Variants in BMPER observed in about 807,000 individuals in gnomAD.
The protein encoded by BMPER is BMP binding endothelial regulator.
A neutral mutation model predicts 87.3 loss-of-function variants in BMPER; 45 were observed. The observed-to-expected ratio is 0.52, with a 90% confidence interval of 0.41 to 0.66. The LOEUF is 0.66. BMPER is among the 30% of genes least tolerant of loss of function. The probability of loss-of-function intolerance (pLI) is 0.00; values close to 1 mark genes in which losing one functional copy is unlikely to be tolerated. For missense variants in BMPER, 784 were observed against 867.5 expected, an observed-to-expected ratio of 0.90 and a Z score of 1.21; for synonymous variants, 326 against 316.2, an observed-to-expected ratio of 1.03 and a Z score of -0.33.
Position 33,937,333 on chromosome 7 carries a change from C to T in BMPER, c.264C>T (p.Ser88=), listed in dbSNP as rs755407367. 2 of 1,614,184 alleles carry T rather than the reference C, an allele frequency of 1.2e-6. No individual in the cohort carries two copies. Among genetic ancestry groups the T allele is most frequent in the South Asian group, 2.2e-5 (2 of 91,086 alleles). ...AGAGAGAGAAGTGCCCCGTGCTGTC[C>T]CGAGACTGTGCCCTGGCCATCAAGC... ...TCKREKCPVL[S]RDCALAIKQR... is the part of the protein sequence containing the mutation. Residue 88 remains serine (S), a synonymous_variant, in exon 3 of 15, where the codon TCC becomes TCT. Coordinates refer to ENST00000649409, the MANE Select transcript of BMPER (RefSeq NM_001365308.1).
intron 3 of BMPER, among the ~76,000 whole-genome samples, chr7:33,959,663 T>G (rs187210625): frequency 6.6e-6 from 1 of 152,230 alleles, no homozygotes; most frequent in African/African-American, 2.4e-5. Flanking sequence ...TCTCCCTTAA[T>G]GCATTGCATA....
At chr7:34,067,850 A>G (rs1788633992) in intron 11 of BMPER, among the ~76,000 whole-genome samples, 2 of 152,376 alleles carry the variant, frequency 1.3e-5, no homozygotes, top group Non-Finnish European at 2.9e-5. Context: ...GTTCTGCTCT[A>G]AGGGATACTG....
rs2127960433 is a variant in BMPER, at chr7:34,051,923, A to G, written c.739A>G (p.Asn247Asp). The change falls in exon 8 of 15, where the codon AAT becomes GAT. Residue 247 changes from asparagine to aspartate, a missense_variant. By Grantham distance (23) the Asn-to-Asp change is conservative. Coordinates refer to ENST00000649409, the MANE Select transcript of BMPER (RefSeq NM_001365308.1). ...CCTCTTTCGAAGTGATGTTTATGAC[A>G]ATGGATCCTCATTTCTGTACGATAA... ...SCLFRSDVYD[N>D]GSSFLYDNCT... The G allele has an allele frequency of 6.2e-7, 1 of 1,614,002 alleles. No homozygotes were observed. Among genetic ancestry groups the G allele is most frequent in the East Asian group, 2.2e-5 (1 of 44,876 alleles).
At chr7:34,031,227 G>T (rs1325945040) in intron 6 of BMPER, among the ~76,000 whole-genome samples, 1 of 151,992 alleles carries the variant, frequency 6.6e-6, no homozygotes, top group Non-Finnish European at 1.5e-5. Context: ...TAACTGCGGG[G>T]TTGCCTCACA....
chr7:34,117,598 A>G (rs1790149938), intron 13 of BMPER, among the ~76,000 whole-genome samples: 1 of 152,212 alleles, frequency 6.6e-6, no homozygotes, highest in African/African-American at 2.4e-5. Flanking sequence ...AAAGGTACCT[A>G]AAGTGTTGTT....
chr7:33,923,104 G>A (rs753874156), intron 2 of BMPER, among the ~76,000 whole-genome samples: 6 of 151,926 alleles, frequency 3.9e-5, no homozygotes, highest in Non-Finnish European at 8.8e-5. Context: ...CTAGATCCTT[G>A]GATCCTAGTT....
chr7:33,917,720 A>G (rs1383059067), intron 2 of BMPER, among the ~76,000 whole-genome samples: 2 of 152,216 alleles, frequency 1.3e-5, no homozygotes, highest in Non-Finnish European at 2.9e-5. Context: ...TTATGAAAAC[A>G]CGCCTTTCCA....
chr7:34,010,065 A>G (rs899353712), intron 6 of BMPER, among the ~76,000 whole-genome samples: 9 of 151,942 alleles, frequency 5.9e-5, no homozygotes, highest in Admixed American at 5.3e-4. Context: ...TTTATCCACT[A>G]TCCCTCATAC....
intron 13 of BMPER, among the ~76,000 whole-genome samples, chr7:34,086,615 G>A (rs1483401067): frequency 2.0e-5 from 3 of 152,166 alleles, no homozygotes; most frequent in African/African-American, 7.2e-5. Flanking sequence ...TTGGATCTTG[G>A]CCAACTGTGA....
intron 13 of BMPER, among the ~76,000 whole-genome samples, chr7:34,113,355 CT>C (rs1355038772): frequency 2.6e-5 from 4 of 151,832 alleles, no homozygotes; most frequent in African/African-American, 9.7e-5. Context: ...CCAAATATAT[CT>C]TTTTTTGTGG....
intron 3 of BMPER, 146 bp downstream of exon 3, chr7:33,937,534 GTGTA>G (rs1215038932): frequency 1.2e-5 from 9 of 735,216 alleles, no homozygotes; most frequent in African/African-American, 3.6e-5. Flanking sequence ...GTGTGTGTGT[GTGTA>G]TGTGTGTGTT....
intron 10 of BMPER, 149 bp downstream of exon 10, chr7:34,058,312 C>T (rs889233076): frequency 1.3e-6 from 1 of 768,786 alleles, no homozygotes; most frequent in Non-Finnish European, 2.3e-6. Flanking sequence ...GCAAAGTTTG[C>T]TCATTCTTCT....
intron 13 of BMPER, among the ~76,000 whole-genome samples, chr7:34,094,089 C>T (rs999346341): frequency 1.3e-5 from 2 of 152,172 alleles, no homozygotes; most frequent in South Asian, 4.1e-4. Context: ...AGAGTGTACA[C>T]ACTTCTATCA....
At position 34,078,930 on chromosome 7, in the gene BMPER, G is replaced by A; in HGVS notation, c.1152G>A (p.Gly384=). 6.2e-7 allele frequency: 1 copy of A among 1,614,158 alleles called. No homozygotes were observed. ...ACGGTCGGACATTTAACTTTCAGGG[G>A]ACGTGTCAGTACGTTTTGACAAAAG... The part of the protein sequence containing the change: ...TFDGRTFNFQ[G]TCQYVLTKDC... The change falls in exon 12 of 15, where the codon GGG becomes GGA. Residue 384 remains glycine, a synonymous_variant. Coordinates refer to ENST00000649409, the MANE Select transcript of BMPER (RefSeq NM_001365308.1).
chr7:34,072,079 C>T (rs1017642663), intron 11 of BMPER, among the ~76,000 whole-genome samples: 2 of 152,110 alleles, frequency 1.3e-5, no homozygotes, highest in Non-Finnish European at 2.9e-5. Context: ...TAACCATGGG[C>T]AACAAGGCAA....
At chr7:33,914,934 C>T (rs1784053794) in intron 2 of BMPER, among the ~76,000 whole-genome samples, 1 of 152,122 alleles carries the variant, frequency 6.6e-6, no homozygotes, top group Non-Finnish European at 1.5e-5. Context: ...TTCTCATCTT[C>T]TTGGACTATT....
intron 6 of BMPER, among the ~76,000 whole-genome samples, chr7:34,025,988 A>G (rs972777358): frequency 6.6e-6 from 1 of 152,024 alleles, no homozygotes; most frequent in Non-Finnish European, 1.5e-5. Context: ...TGTGGTCAGG[A>G]GCTGTCAGGA....
At chr7:34,137,929 TA>T (rs1292014332) in intron 13 of BMPER, among the ~76,000 whole-genome samples, 5 of 152,244 alleles carry the variant, frequency 3.3e-5, no homozygotes, top group African/African-American at 1.2e-4. Context: ...AGTATACCTA[TA>T]AATCCCTCTA....
chr7:33,939,991 C>A, intron 3 of BMPER: 1 of 285,258 alleles, frequency 3.5e-6, no homozygotes, highest in African/African-American at 2.2e-5. Flanking sequence ...GTCCTGTTCA[C>A]TCTTAAATAC....
Sources: allele counts gnomAD v4.1 joint callset (sites outside exome capture counted in the v4.1 genomes callset), GRCh38; gene constraint gnomAD v4.1.1; transcripts MANE v1.5; gene names NCBI Gene and HGNC (gene_info 2026-07-23, HGNC 2026-07-21).